The following RYR1 variants were observed in gnomAD, a reference collection of about 807,000 sequenced individuals.
RYR1 encodes the protein central core disease of muscle.
In RYR1, 342 loss-of-function variants were observed where a neutral mutation model predicts 583.5. The observed-to-expected ratio is 0.59, with a 90% confidence interval of 0.54 to 0.64. The LOEUF (loss-of-function observed/expected upper bound fraction) is 0.64, where lower values mean the gene tolerates loss of function less well. Among genes scored for constraint, RYR1 ranks in the 30% least tolerant of loss-of-function variants. The probability of loss-of-function intolerance (pLI) is 0.00; values close to 1 mark genes in which losing one functional copy is unlikely to be tolerated. For missense variants in RYR1, 6,032 were observed against 6,917.2 expected, an observed-to-expected ratio of 0.87 and a Z score of 4.54; for synonymous variants, 2,791 against 2,822.5, an observed-to-expected ratio of 0.99 and a Z score of 0.35.
At position 38,548,220 on chromosome 19, in the gene RYR1, G is replaced by A. The variant is rs745681432; in HGVS notation, c.12095-13G>A. ...AGTGTTCACCGGCCACACTGACCTG[G>A]GGCTGCCTGCAGGGAACGTGGTGAA... is the stretch of plus-strand genomic sequence containing the variant. On this transcript the variant is annotated splice_polypyrimidine_tract_variant and intron_variant, in intron 88 of 105. Transcript: ENST00000359596. 8 of 1,613,992 alleles carry A rather than the reference G, an allele frequency of 5.0e-6. No individual in the cohort carries two copies. The Admixed American group carries it at 1.3e-4, about 27-fold the overall frequency.
At chr19:38,521,646 G>A (rs1240153738) in intron 67 of RYR1, among the ~76,000 whole-genome samples, 2 of 144,990 alleles carry the variant, frequency 1.4e-5, no homozygotes, top group African/African-American at 5.1e-5. Context: ...GCAGTGAGCT[G>A]AGATCACACC....
At chr19:38,436,041 T>G (rs1433604366) in intron 1 of RYR1, among the ~76,000 whole-genome samples, 1 of 151,914 alleles carries the variant, frequency 6.6e-6, no homozygotes, top group African/African-American at 2.4e-5. Flanking sequence ...CCTGAGTAGC[T>G]GGGATTACAG....
In RYR1 at chr19:38,443,781, C is replaced by T; in HGVS notation, c.409C>T (p.Gln137Ter). 6.2e-7 allele frequency: 1 copy of T among 1,614,124 alleles called. No individual in the cohort carries two copies. Among genetic ancestry groups the T allele is most frequent in the Middle Eastern group, 1.7e-4 (1 of 6,060 alleles). ...CAAGCTGGCCTTCGATGTGGGACTG[C>T]AGGAGGACGCAACAGGTGCAGCAGC... is the stretch of plus-strand genomic sequence containing the variant. ...TDKLAFDVGL[Q>*]EDATGEACWW... The change falls in exon 5 of 106, where the codon CAG (glutamine) becomes TAG (stop). Residue 137 changes from glutamine (Q) to a stop codon, truncating the protein, a stop_gained. Coordinates refer to ENST00000359596, the MANE Select transcript of RYR1 (RefSeq NM_000540.3). LOFTEE classifies it high-confidence loss of function.
chr19:38,460,475 C>T lies in RYR1; in HGVS notation c.2461C>T (p.His821Tyr), dbSNP rs764127808. Residue 821 changes from histidine (H) to tyrosine (Y), a missense_variant, in exon 20 of 106, where the codon CAT (histidine) becomes TAT (tyrosine). By Grantham distance (83) the His-to-Tyr change is moderately conservative. Around this residue, in one of 11 missense-constraint regions of RYR1, gnomAD observed 2,627 missense variants for 2,961.3 expected, o/e 0.89. Coordinates refer to ENST00000359596, the MANE Select transcript of RYR1 (RefSeq NM_000540.3). The part of the protein sequence containing the change: ...HEAVLPRERL[H>Y]LEPIKEYRRE... ...GGCTGTGCTCCCTCGAGAGCGACTC[C>T]ATCTTGAACCCATCAAGGAGTATCG... 1 of 1,614,138 alleles carries T rather than the reference C, an allele frequency of 6.2e-7. No homozygotes were observed. The highest frequency in any genetic ancestry group is 2.2e-5 in the East Asian group (1 of 44,896).
chr19:38,524,057 C>T, intron 70 of RYR1, 128 bp downstream of exon 70: 1 of 1,035,768 alleles, frequency 9.7e-7, no homozygotes, highest in Non-Finnish European at 1.4e-6. Context: ...CTCCCAGCCC[C>T]CACCCATCCT....
intron 33 of RYR1, among the ~76,000 whole-genome samples, chr19:38,485,263 G>A (rs1481444084): frequency 6.6e-6 from 1 of 152,242 alleles, no homozygotes; most frequent in East Asian, 1.9e-4. Context: ...GGGGCCCCCA[G>A]ATCCCTTAGG....
chr19:38,481,948 C>T (rs1234398078), intron 31 of RYR1, among the ~76,000 whole-genome samples: 2 of 151,748 alleles, frequency 1.3e-5, no homozygotes, highest in Admixed American at 6.6e-5. Context: ...ATTAGCCTGG[C>T]GTGGTGACGG....
At position 38,472,161 on chromosome 19, in the gene RYR1, AG is replaced by A. The variant is rs1968457854; in HGVS notation, c.3766-1215del. On this transcript the variant is annotated intron_variant, in intron 27 of 105. Transcript: ENST00000359596. ...TCACCCAGGCTGGAGTCCAGTGGCA[AG>A]ATCTCAGCTCCCCACAACCTCTGCC... Among the ~76,000 whole-genome samples the A allele has an allele frequency of 2.6e-5, 4 of 152,060 alleles. No individual in the cohort carries two copies. The South Asian group carries it at 8.3e-4, about 32-fold the overall frequency.
rs750453155 is a variant in RYR1, at chr19:38,446,785, G to A, written c.800+17G>A. On this transcript the variant is annotated intron_variant, in intron 9 of 105. Transcript: ENST00000359596. Reference sequence around the variant, plus strand: ...GAGAATCAGGTAGGGCGGGGAAGATGGGGAGAGACCAGGGAGAGGCTGGGG... The same window carrying A: ...GAGAATCAGGTAGGGCGGGGAAGATAGGGAGAGACCAGGGAGAGGCTGGGG... 2.5e-6 allele frequency: 4 copies of A among 1,609,672 alleles called. No individual in the cohort carries two copies. The South Asian group carries it at 4.4e-5, about 18-fold the overall frequency.
chr19:38,581,742 G>A (rs1486825358), intron 101 of RYR1, among the ~76,000 whole-genome samples: 2 of 152,040 alleles, frequency 1.3e-5, no homozygotes, highest in African/African-American at 2.4e-5. Context: ...GGGATTACAG[G>A]CGCACACTAC....
intron 2 of RYR1, among the ~76,000 whole-genome samples, chr19:38,441,317 G>A (rs890249146): frequency 1.3e-5 from 2 of 151,538 alleles, no homozygotes; most frequent in African/African-American, 4.9e-5. Context: ...ACAAGGAGGA[G>A]GGGTTTTATT....
intron 67 of RYR1, 133 bp downstream of exon 67, chr19:38,519,587 C>T (rs1971132334): frequency 1.9e-6 from 2 of 1,044,100 alleles, no homozygotes; most frequent in South Asian, 2.8e-5. Context: ...CTGACTCTTC[C>T]TCCTGGTTTC....
At chr19:38,526,859 T>C (rs2145717116) in intron 71 of RYR1, 134 bp from the exon 72 acceptor site, 1 of 885,330 alleles carries the variant, frequency 1.1e-6, no homozygotes, top group East Asian at 2.6e-5. Flanking sequence ...ATCCTTTTGT[T>C]TCTCTCAGAC....
Position 38,565,578 on chromosome 19 carries a change from C to T in RYR1, c.13244C>T (p.Ala4415Val), listed in dbSNP as rs1250342952. 6 of 1,469,364 alleles carry T rather than the reference C, an allele frequency of 4.1e-6. No homozygotes were observed. Among genetic ancestry groups the T allele is most frequent in the Non-Finnish European group, 4.5e-6 (5 of 1,117,418 alleles). 91.0% of individuals were successfully genotyped at this position (1,469,364 alleles called of 1,614,324 possible). ...GEGASEGAGD[A>V]AEGAGDEEEA... ...GGTGCCAGCGAGGGCGCTGGAGACGCCGCGGAGGGCGCTGGAGACGAGGAG... is the reference window on the plus strand; with the variant it reads ...GGTGCCAGCGAGGGCGCTGGAGACGTCGCGGAGGGCGCTGGAGACGAGGAG... The change falls in exon 91 of 106, where the codon GCC becomes GTC. Residue 4415 changes from alanine (A) to valine (V), a missense_variant. By Grantham distance (64) the Ala-to-Val change is moderately conservative. Around this residue, in one of 11 missense-constraint regions of RYR1, gnomAD observed 753 missense variants for 759.6 expected, o/e 0.99. Transcript: ENST00000359596. This position sits in a 1 kb window ranked among gnomAD's most constrained non-coding sequence, Gnocchi z 4.7.
rs1969278145 is a variant in RYR1, at chr19:38,486,090, T to C, written c.5435T>C (p.Leu1812Pro). The C allele has an allele frequency of 6.2e-7, 1 of 1,612,856 alleles. No homozygotes were observed. Among genetic ancestry groups the C allele is most frequent in the Non-Finnish European group, 8.5e-7 (1 of 1,179,568 alleles). The change falls in exon 34 of 106, where the codon CTG (leucine) becomes CCG (proline). Residue 1812 changes from leucine to proline, a missense_variant. Around this residue, in one of 11 missense-constraint regions of RYR1, gnomAD observed 2,627 missense variants for 2,961.3 expected, o/e 0.89. Transcript: ENST00000359596. Reference protein sequence around the residue: ...IPLEALRDKALRMLGEAVRDG... With the variant: ...IPLEALRDKAPRMLGEAVRDG... ...CTGGAGGCCCTGCGGGACAAGGCAC[T>C]GAGGATGCTGGGGGAGGCGGTGCGC...
chr19:38,541,937 C>T (rs1209042405), intron 84 of RYR1, among the ~76,000 whole-genome samples: 1 of 151,664 alleles, frequency 6.6e-6, no homozygotes, highest in Admixed American at 6.6e-5. Context: ...GATGTGGTGG[C>T]TCACACCTAT....
At chr19:38,545,449 A>C (rs2145781208) in intron 87 of RYR1, among the ~76,000 whole-genome samples, 1 of 152,328 alleles carries the variant, frequency 6.6e-6, no homozygotes, top group East Asian at 1.9e-4. Flanking sequence ...TGGGAGCAAA[A>C]GATCCTTACA....
chr19:38,576,877 G>A (rs1468570), intron 97 of RYR1, among the ~76,000 whole-genome samples: 5,432 of 152,096 alleles, frequency 0.036, 191 homozygotes, highest in East Asian at 0.11. Context: ...GAACCAGATT[G>A]CCTGCTTTTC....
chr19:38,580,211 C>G lies in RYR1; in HGVS notation c.14511+83C>G. 6 of 1,605,724 alleles carry G rather than the reference C, an allele frequency of 3.7e-6. No homozygotes were observed. The South Asian group carries it at 5.5e-5, about 15-fold the overall frequency. ...TGGTGAAGGGATAAGGGCCGGGCAGCTGGGCTGAGGAGGGGCAAGGCCAGG... is the reference window on the plus strand; with the variant it reads ...TGGTGAAGGGATAAGGGCCGGGCAGGTGGGCTGAGGAGGGGCAAGGCCAGG... On this transcript the variant is annotated intron_variant, in intron 100 of 105. Transcript: ENST00000359596.
Sources: allele counts gnomAD v4.1 joint callset (sites outside exome capture counted in the v4.1 genomes callset), GRCh38; gene constraint gnomAD v4.1.1; regional missense constraint gnomAD v4.1.1; non-coding constraint Gnocchi (gnomAD v3.1); transcripts MANE v1.5; gene names NCBI Gene and HGNC (gene_info 2026-07-23, HGNC 2026-07-21).